The following BAZ2B variants were observed in gnomAD, a reference collection of about 807,000 sequenced individuals.
BAZ2B encodes the protein bromodomain adjacent to zinc finger domain 2B.
A neutral mutation model predicts 246.0 loss-of-function variants in BAZ2B; 91 were observed. That is an observed-to-expected ratio of 0.37 (90% CI 0.31 to 0.44). The LOEUF (loss-of-function observed/expected upper bound fraction) is 0.44, where lower values mean the gene tolerates loss of function less well. Among genes scored for constraint, BAZ2B ranks in the 20% least tolerant of loss-of-function variants. The pLI is 1.00. For missense variants in BAZ2B, 2,332 were observed against 2,533.7 expected, an observed-to-expected ratio of 0.92 and a Z score of 1.71; for synonymous variants, 855 against 860.0, an observed-to-expected ratio of 0.99 and a Z score of 0.10.
At chr2:159,661,633 A>G in the BAZ2B span, among the ~76,000 whole-genome samples, 5 of 152,084 alleles carry the variant, frequency 3.3e-5, no homozygotes, top group African/African-American at 1.2e-4. Context: ...TATTTCATCT[A>G]TTTGATGTGT....
chr2:159,583,038 A>C (rs1048982321), intron 1 of BAZ2B, among the ~76,000 whole-genome samples: 1 of 152,150 alleles, frequency 6.6e-6, no homozygotes, highest in African/African-American at 2.4e-5. Context: ...TTATACATAT[A>C]AGTAAAAAAA....
At chr2:159,430,835 T>C (rs773786448) in intron 10 of BAZ2B, 28 bp downstream of exon 10, 4 of 1,588,752 alleles carry the variant, frequency 2.5e-6, no homozygotes, top group African/African-American at 2.7e-5. Flanking sequence ...ACTTCTACTT[T>C]AGAATAATAA....
chr2:159,385,398 T>C, intron 22 of BAZ2B, 29 bp from the exon 23 acceptor site: 1 of 1,569,030 alleles, frequency 6.4e-7, no homozygotes, highest in Non-Finnish European at 8.8e-7. Flanking sequence ...TTTATCAGTA[T>C]TACTCACAAC....
At chr2:159,564,716 G>A (rs759106673) in intron 1 of BAZ2B, among the ~76,000 whole-genome samples, 2 of 152,142 alleles carry the variant, frequency 1.3e-5, no homozygotes, top group Non-Finnish European at 2.9e-5. Flanking sequence ...TGCTGGTGGT[G>A]GTAGTGGTAA....
the BAZ2B span, among the ~76,000 whole-genome samples, chr2:159,623,201 C>T: frequency 6.6e-6 from 1 of 151,262 alleles, no homozygotes; most frequent in African/African-American, 2.4e-5. Flanking sequence ...AGAGAAAGAG[C>T]AAGAGCATGC....
At chr2:159,637,459 C>T in the BAZ2B span, among the ~76,000 whole-genome samples, 2 of 152,334 alleles carry the variant, frequency 1.3e-5, no homozygotes, top group Admixed American at 6.5e-5. Flanking sequence ...GAAGAAGCTC[C>T]GCTGCCTGTG....
chr2:159,576,644 T>G (rs1345321166), intron 1 of BAZ2B, among the ~76,000 whole-genome samples: 1 of 151,850 alleles, frequency 6.6e-6, no homozygotes, highest in Non-Finnish European at 1.5e-5. Context: ...CCAGGCACGG[T>G]GGCTCACACC....
chr2:159,539,144 A>T (rs1391415048), intron 2 of BAZ2B, among the ~76,000 whole-genome samples: 2 of 152,220 alleles, frequency 1.3e-5, no homozygotes, highest in Non-Finnish European at 2.9e-5. Context: ...GTCAAAAAAC[A>T]TTAAACATAC....
At chr2:159,465,652 T>A (rs62173221) in intron 3 of BAZ2B, among the ~76,000 whole-genome samples, 12,170 of 152,248 alleles carry the variant, frequency 0.08, 673 homozygotes, top group Middle Eastern at 0.17. Flanking sequence ...ACAGGCGCGA[T>A]GGCTCATGCC....
intron 2 of BAZ2B, among the ~76,000 whole-genome samples, chr2:159,487,589 T>C (rs2079978380): frequency 6.6e-6 from 1 of 152,150 alleles, no homozygotes; most frequent in Non-Finnish European, 1.5e-5. Flanking sequence ...ATGGTGATCA[T>C]ATTCCTAGTT....
intron 1 of BAZ2B, among the ~76,000 whole-genome samples, chr2:159,610,158 T>G (rs549407794): frequency 1.3e-5 from 2 of 152,174 alleles, no homozygotes; most frequent in East Asian, 3.9e-4. Context: ...GGAAAAAAAA[T>G]CAAAATCTCT....
intron 13 of BAZ2B, among the ~76,000 whole-genome samples, chr2:159,423,833 G>C (rs1314964970): frequency 6.6e-6 from 1 of 152,216 alleles, no homozygotes; most frequent in Admixed American, 6.5e-5. Flanking sequence ...ACACAAAGAT[G>C]TGAACAGTAG....
intron 3 of BAZ2B, among the ~76,000 whole-genome samples, chr2:159,469,963 T>C (rs540599034): frequency 3.9e-5 from 6 of 152,308 alleles, no homozygotes; most frequent in Middle Eastern, 3.4e-3. Context: ...AAGAAAACTA[T>C]AGACCAATAA....
chr2:159,534,303 C>T (rs1051543567), intron 2 of BAZ2B, among the ~76,000 whole-genome samples: 1 of 152,132 alleles, frequency 6.6e-6, no homozygotes, highest in Non-Finnish European at 1.5e-5. Flanking sequence ...CTTACGTGAA[C>T]CTAGATGGTA....
At chr2:159,688,983 A>AT in the BAZ2B span, among the ~76,000 whole-genome samples, 162 of 151,092 alleles carry the variant, frequency 1.1e-3, 1 homozygote, top group African/African-American at 3.4e-3. Flanking sequence ...TATAGTTGCT[A>AT]TTTTTTTTTC....
intron 31 of BAZ2B, among the ~76,000 whole-genome samples, chr2:159,341,126 C>T (rs553544708): frequency 1.3e-5 from 2 of 152,006 alleles, no homozygotes; most frequent in East Asian, 3.9e-4. Flanking sequence ...CTATAAGAAA[C>T]TCCCCTCACC....
At chr2:159,639,518 C>T in the BAZ2B span, among the ~76,000 whole-genome samples, 2 of 152,018 alleles carry the variant, frequency 1.3e-5, no homozygotes, top group African/African-American at 4.8e-5. Context: ...GGAGAAACCA[C>T]AAAAAGTTAA....
chr2:159,676,826 A>G, the BAZ2B span, among the ~76,000 whole-genome samples: 1 of 152,016 alleles, frequency 6.6e-6, no homozygotes, highest in Non-Finnish European at 1.5e-5. Context: ...TTTTGGAAAC[A>G]GTGGATGGTT....
At chr2:159,316,622 G>A (rs184090809), downstream of BAZ2B, among the ~76,000 whole-genome samples, 290 of 142,680 alleles carry the variant, frequency 2.0e-3, 2 homozygotes, top group African/African-American at 6.7e-3. Flanking sequence ...CCCAGGAGGC[G>A]GAGCTTGCAG....
Sources: gnomAD v4.1 joint callset for allele counts (sites outside exome capture counted in the v4.1 genomes callset) on GRCh38, gnomAD v4.1.1 for gene constraint, MANE v1.5 for transcripts, NCBI Gene and HGNC (gene_info 2026-07-23, HGNC 2026-07-21) for gene names.